STON1: variants seen among roughly 807,000 people sequenced by gnomAD.
STON1 encodes stonin-1.
STON1 carries 79 observed loss-of-function variants against 60.9 expected under a neutral mutation model. The ratio of observed to expected loss-of-function variants is 1.30; its 90% CI spans 1.08 to 1.56. The LOEUF (loss-of-function observed/expected upper bound fraction) is 1.56. STON1 is among the 40% of genes most tolerant of loss of function. STON1 has a pLI of 0.00. For missense variants in STON1, 1,166 were observed against 858.9 expected, an observed-to-expected ratio of 1.36 and a Z score of -4.47; for synonymous variants, 363 against 306.9, an observed-to-expected ratio of 1.18 and a Z score of -1.91.
intron 2 of STON1, among the ~76,000 whole-genome samples, chr2:48,583,761 T>C (rs1056830289): frequency 9.3e-5 from 14 of 151,158 alleles, no homozygotes; most frequent in African/African-American, 3.4e-4. Flanking sequence ...TTTCTTTTTT[T>C]TTTTTTTTTG....
At chr2:48,594,457 A>G (rs1368851331) in intron 3 of STON1, among the ~76,000 whole-genome samples, 1 of 152,248 alleles carries the variant, frequency 6.6e-6, no homozygotes, top group Non-Finnish European at 1.5e-5. Flanking sequence ...ATCTGTTGCC[A>G]GATACTGCTC....
chr2:48,555,324 ACC>A (rs529179336), intron 1 of STON1, among the ~76,000 whole-genome samples: 2 of 25,776 alleles, frequency 7.8e-5, no homozygotes, highest in African/African-American at 1.4e-4. Flanking sequence ...GGGGGGGCTG[ACC>A]CCCCCCACCT....
chr2:48,583,477 A>G (rs11680574), intron 2 of STON1, among the ~76,000 whole-genome samples: 49,608 of 152,092 alleles, frequency 0.33, 8,235 homozygotes, highest in East Asian at 0.42. Context: ...AAATTATCTA[A>G]AAGTCAGAAC....
chr2:48,576,772 C>T (rs1351388148), intron 1 of STON1, among the ~76,000 whole-genome samples: 1 of 152,072 alleles, frequency 6.6e-6, no homozygotes, highest in Non-Finnish European at 1.5e-5. Context: ...ATACCGTTTG[C>T]AGGCCGGGCG....
intron 1 of STON1, among the ~76,000 whole-genome samples, chr2:48,564,555 CTTCTTCTTCTTCTCCTT>C (rs1672826947): frequency 1.8e-5 from 1 of 55,884 alleles, no homozygotes; most frequent in Non-Finnish European, 3.6e-5. Context: ...TCTTCTTCTT[CTTCTTCTTCTTCTCCTT>C]CTCCTTCTCC....
intron 1 of STON1, among the ~76,000 whole-genome samples, chr2:48,567,826 T>C (rs757380177): frequency 1.2e-4 from 18 of 152,224 alleles, no homozygotes; most frequent in Non-Finnish European, 1.9e-4. Context: ...GTTTCTGGAA[T>C]GTACAGTAGC....
At chr2:48,560,904 A>G (rs979912928) in intron 1 of STON1, among the ~76,000 whole-genome samples, 3 of 152,210 alleles carry the variant, frequency 2.0e-5, no homozygotes, top group East Asian at 1.9e-4. Context: ...GCAAGCCCCA[A>G]AGTCTCCCCT....
intron 1 of STON1, among the ~76,000 whole-genome samples, chr2:48,577,921 A>G (rs1388800814): frequency 4.0e-5 from 6 of 151,152 alleles, no homozygotes; most frequent in Non-Finnish European, 7.4e-5. Flanking sequence ...CGGCCAAAAA[A>G]AACCAAAAAA....
At chr2:48,576,045 A>G (rs888338328) in intron 1 of STON1, among the ~76,000 whole-genome samples, 5 of 151,810 alleles carry the variant, frequency 3.3e-5, no homozygotes, top group Non-Finnish European at 5.9e-5. Context: ...GGTGTGAGCC[A>G]CCGCACCTGG....
Position 48,581,778 on chromosome 2 carries a change from C to T in STON1, c.1145C>T (p.Ser382Leu), listed in dbSNP as rs1395944350. The T allele has an allele frequency of 1.2e-5, 19 of 1,613,956 alleles. No individual in the cohort carries two copies. The South Asian group carries it at 1.2e-4, about 10-fold the overall frequency. Residue 382 changes from serine (S) to leucine (L), a missense_variant, in exon 2 of 4, where the codon TCG becomes TTG. By Grantham distance (145) the Ser-to-Leu change is moderately radical. Transcript: ENST00000404752. ...IEQMLKLGST[S>L]YHDFLDFLTT... The stretch of plus-strand genomic sequence containing the variant: ...CAGATGCTGAAGTTGGGGTCCACAT[C>T]GTACCATGACTTCCTTGACTTTCTG...
intron 1 of STON1, among the ~76,000 whole-genome samples, chr2:48,579,139 G>T (rs1673723171): frequency 6.6e-6 from 1 of 151,716 alleles, no homozygotes; most frequent in African/African-American, 2.4e-5. Flanking sequence ...GAGTAGCTGG[G>T]ATTACAAGTG....
chr2:48,555,574 C>T (rs1305416448), intron 1 of STON1, among the ~76,000 whole-genome samples: 5 of 53,732 alleles, frequency 9.3e-5, no homozygotes, highest in African/African-American at 1.5e-4. Context: ...CCCTCCTGGA[C>T]AGGGCGGCTG....
At chr2:48,562,584 C>G (rs1346612569) in intron 1 of STON1, among the ~76,000 whole-genome samples, 1 of 152,236 alleles carries the variant, frequency 6.6e-6, no homozygotes, top group Non-Finnish European at 1.5e-5. Flanking sequence ...CGAAGCAACA[C>G]TGCCTCAGAG....
At chr2:48,594,237 T>C (rs1328831561) in intron 3 of STON1, among the ~76,000 whole-genome samples, 2 of 152,076 alleles carry the variant, frequency 1.3e-5, no homozygotes, top group Non-Finnish European at 2.9e-5. Context: ...TAACACTAGG[T>C]ATATATATAT....
At chr2:48,553,397 G>A (rs890448689) in intron 1 of STON1, among the ~76,000 whole-genome samples, 1 of 133,484 alleles carries the variant, frequency 7.5e-6, no homozygotes, top group Non-Finnish European at 1.6e-5. Flanking sequence ...TTCCCATCCC[G>A]TCCCATCCCC....
intron 1 of STON1, among the ~76,000 whole-genome samples, chr2:48,543,099 T>G (rs1358675592): frequency 6.6e-6 from 1 of 151,344 alleles, no homozygotes; most frequent in African/African-American, 2.4e-5. Context: ...TTCAGCCTCC[T>G]GAGTAGCTGG....
At chr2:48,577,057 A>C (rs1194543117) in intron 1 of STON1, among the ~76,000 whole-genome samples, 1 of 151,722 alleles carries the variant, frequency 6.6e-6, no homozygotes, top group Non-Finnish European at 1.5e-5. Context: ...CCATCTCAAA[A>C]AAAAAAAGAA....
rs1377545581 is a variant in STON1, at chr2:48,598,113, G to A, written c.*2811G>A. The A allele has an allele frequency of 6.6e-6, 1 of 152,112 alleles. No individual in the cohort carries two copies. Among genetic ancestry groups the A allele is most frequent in the Non-Finnish European group, 1.5e-5 (1 of 68,028 alleles). 9.4% of individuals were successfully genotyped at this position (152,112 alleles called of 1,614,324 possible). A position where few individuals can be genotyped will look rare whatever the true frequency, so the allele number is the denominator to read the frequency against. ...CCAGTTACAGGATCATATTAACTGT[G>A]TAAATGAATTCATGGGTAGATGATT... On this transcript the variant is annotated 3_prime_UTR_variant, in exon 4 of 4. Coordinates refer to ENST00000404752, the MANE Select transcript of STON1 (RefSeq NM_006873.4).
chr2:48,555,371 GCTC>G (rs1558590152), intron 1 of STON1, among the ~76,000 whole-genome samples: 1 of 44,892 alleles, frequency 2.2e-5, no homozygotes, highest in Admixed American at 2.0e-4. Flanking sequence ...GGGCAGAGGG[GCTC>G]CTCACTTCCC....
Sources: gnomAD v4.1 joint callset for allele counts (sites outside exome capture counted in the v4.1 genomes callset) on GRCh38, gnomAD v4.1.1 for gene constraint, MANE v1.5 for transcripts, NCBI Gene and HGNC (gene_info 2026-07-23, HGNC 2026-07-21) for gene names.